AMDHD2: variants seen among roughly 807,000 people sequenced by gnomAD.
AMDHD2 encodes the protein N-acetylglucosamine-6-phosphate deacetylase.
AMDHD2 carries 24 observed loss-of-function variants against 41.8 expected under a neutral mutation model. The ratio of observed to expected loss-of-function variants is 0.57; its 90% CI spans 0.42 to 0.81. The LOEUF is 0.81. AMDHD2 is among the 30% of genes least tolerant of loss of function. The pLI is 0.00. For missense variants in AMDHD2, 540 were observed against 588.5 expected (o/e 0.92, Z 0.85); for synonymous variants, 332 against 255.5 (o/e 1.30, Z -2.85).
chr16:2,529,082 T>A lies in AMDHD2; in HGVS notation c.1128T>A (p.Phe376Leu). The A allele has an allele frequency of 6.3e-7, 1 of 1,587,566 alleles. No individual in the cohort carries two copies. Among genetic ancestry groups the A allele is most frequent in the Non-Finnish European group, 8.6e-7 (1 of 1,167,868 alleles). ...GLEKSKGTLD[F>L]GADADFVVLD... ...AGAAGAGTAAGGGGACCCTGGACTT[T>A]GGTGCTGACGCAGGTGAGGGCCTGT... Residue 376 changes from phenylalanine to leucine, a missense_variant, in exon 10 of 11, where the codon TTT becomes TTA. Physicochemically the swap from Phe to Leu is conservative, Grantham distance 22. Coordinates refer to ENST00000293971, the MANE Select transcript of AMDHD2 (RefSeq NM_001330449.2).
At position 2,521,046 on chromosome 16, in the gene AMDHD2, G is replaced by A; in HGVS notation, c.283G>A (p.Ala95Thr). Residue 95 changes from alanine (A) to threonine (T), a missense_variant, in exon 3 of 11, where the codon GCC becomes ACC. Physicochemically the swap from Ala to Thr is moderately conservative, Grantham distance 58. Transcript: ENST00000293971. ...EDVGSGVALVARRILSHGVTS... is the reference protein window; with the variant it reads ...EDVGSGVALVTRRILSHGVTS... ...CGTGGGTTCGGGGGTTGCCCTCGTGGCCCGGAGGATCCTGTCGCACGGCGT... is the reference window on the plus strand; with the variant it reads ...CGTGGGTTCGGGGGTTGCCCTCGTGACCCGGAGGATCCTGTCGCACGGCGT... The A allele has an allele frequency of 6.2e-7, 1 of 1,611,282 alleles. No individual in the cohort carries two copies. The highest frequency in any genetic ancestry group is 8.5e-7 in the Non-Finnish European group (1 of 1,178,474).
chr16:2,521,438 T>TA (rs2065936012), intron 3 of AMDHD2, among the ~76,000 whole-genome samples: 1 of 151,950 alleles, frequency 6.6e-6, no homozygotes, highest in Non-Finnish European at 1.5e-5. Flanking sequence ...ACCATCCCCT[T>TA]AACCAAGGCC....
At chr16:2,521,524 C>T (rs932478920) in intron 3 of AMDHD2, among the ~76,000 whole-genome samples, 1 of 152,318 alleles carries the variant, frequency 6.6e-6, no homozygotes, top group African/African-American at 2.4e-5. Context: ...ATGTGTGACT[C>T]AGTGGAACAC....
chr16:2,520,960 A>G, intron 2 of AMDHD2, 24 bp from the exon 3 acceptor site: 1 of 1,596,696 alleles, frequency 6.3e-7, no homozygotes, highest in Non-Finnish European at 8.6e-7. Context: ...GCTCCATGCG[A>G]CACTTCCTTT....
In AMDHD2 at chr16:2,529,658, C is replaced by T; in HGVS notation, c.*95C>T. On this transcript the variant is annotated 3_prime_UTR_variant, in exon 11 of 11. Transcript: ENST00000293971. ...GTCTCCAGGGAGTGAGTCGGGAGCC[C>T]TGCTGGATTGATGCCCAGGGCCTGT... The T allele has an allele frequency of 1.9e-6, 3 of 1,568,876 alleles. No individual in the cohort carries two copies. The highest frequency in any genetic ancestry group is 2.6e-6 in the Non-Finnish European group (3 of 1,163,014).
At position 2,531,069 on chromosome 16, in the gene AMDHD2, C is replaced by T; in HGVS notation, c.*1506C>T. The T allele has an allele frequency of 3.2e-6, 5 of 1,587,004 alleles. No homozygotes were observed. Among genetic ancestry groups the T allele is most frequent in the South Asian group, 2.3e-5 (2 of 88,322 alleles). ...TTGCTGGCTGTCAGTGCTTGATGTG[C>T]CCATCCTCAGCTAAAACCCAGAGCT... On this transcript the variant is annotated 3_prime_UTR_variant, in exon 11 of 11. Transcript: ENST00000293971.
chr16:2,528,953 G>A (rs2066046725), intron 9 of AMDHD2, 41 bp from the exon 10 acceptor site: 1 of 1,547,146 alleles, frequency 6.5e-7, no homozygotes, highest in Non-Finnish European at 8.7e-7. Context: ...GCAAAGCCAT[G>A]TGGGCTTGGG....
In AMDHD2 at chr16:2,528,967, T is replaced by A. The variant is rs557972259; in HGVS notation, c.1040-27T>A. On this transcript the variant is annotated intron_variant, in intron 9 of 10. Coordinates refer to ENST00000293971, the MANE Select transcript of AMDHD2 (RefSeq NM_001330449.2). Reference sequence around the variant, plus strand: ...GGCAAAGCCATGTGGGCTTGGGGACTGTCACCTAGCTGTGTCCCCCAAGCA... The same window carrying A: ...GGCAAAGCCATGTGGGCTTGGGGACAGTCACCTAGCTGTGTCCCCCAAGCA... The A allele has an allele frequency of 1.9e-6, 3 of 1,556,572 alleles. No individual in the cohort carries two copies. The Admixed American group carries it at 5.9e-5, about 30-fold the overall frequency.
chr16:2,528,361 C>T lies in AMDHD2; in HGVS notation c.843C>T (p.Ala281=), dbSNP rs2066034858. 1 of 1,612,908 alleles carries T rather than the reference C, an allele frequency of 6.2e-7. No individual in the cohort carries two copies. The highest frequency in any genetic ancestry group is 8.5e-7 in the Non-Finnish European group (1 of 1,179,944). Residue 281 remains alanine, a synonymous_variant, in exon 7 of 11, where the codon GCC becomes GCT. Coordinates refer to ENST00000293971, the MANE Select transcript of AMDHD2 (RefSeq NM_001330449.2). The part of the protein sequence containing the change: ...THTNPAALRI[A]HRAHPQGLVL... ...CCAACCCCGCCGCCCTGCGGATCGC[C>T]CACCGTGCCCATCCCCAGGGTAAGC...
intron 8 of AMDHD2, 33 bp from the exon 9 acceptor site, chr16:2,528,617 A>AC (rs763884300): frequency 3.7e-5 from 60 of 1,612,480 alleles, no homozygotes; most frequent in East Asian, 6.7e-5. Flanking sequence ...GTGGCCCACG[A>AC]CCCCCCCAGA....
At chr16:2,521,180 C>G (rs2065931584) in intron 3 of AMDHD2, 57 bp downstream of exon 3, 3 of 1,493,582 alleles carry the variant, frequency 2.0e-6, no homozygotes, top group South Asian at 2.7e-5. Context: ...CCAGCGCCCT[C>G]ATTTTCAAAC....
rs1335694636 is a variant in AMDHD2, at chr16:2,529,476, C to T, written c.1143C>T (p.Asp381=). The change falls in exon 11 of 11, where the codon GAC becomes GAT. Residue 381 remains aspartate (D), a splice_region_variant and synonymous_variant. Coordinates refer to ENST00000293971, the MANE Select transcript of AMDHD2 (RefSeq NM_001330449.2). ...KGTLDFGADA[D]FVVLDDSLHV... ...ACTCATTGCCCGGCTCTGTCCCAGACTTCGTGGTGCTCGACGACTCCCTTC... is the reference window on the plus strand; with the variant it reads ...ACTCATTGCCCGGCTCTGTCCCAGATTTCGTGGTGCTCGACGACTCCCTTC... The T allele has an allele frequency of 6.2e-7, 1 of 1,610,454 alleles. No individual in the cohort carries two copies. The highest frequency in any genetic ancestry group is 8.5e-7 in the Non-Finnish European group (1 of 1,179,974).
chr16:2,520,914 C>A lies in AMDHD2; in HGVS notation c.220+9C>A, dbSNP rs376912559. 41 of 1,599,792 alleles carry A rather than the reference C, an allele frequency of 2.6e-5. No individual in the cohort carries two copies. Among genetic ancestry groups the A allele is most frequent in the Non-Finnish European group, 3.2e-5 (38 of 1,170,768 alleles). Reference sequence around the variant, plus strand: ...CGACGTGCAGATCAACGGTGCGGCCCGGGGCCGGCAGGGGAACCCAGGGGA... The same window carrying A: ...CGACGTGCAGATCAACGGTGCGGCCAGGGGCCGGCAGGGGAACCCAGGGGA... On this transcript the variant is annotated intron_variant, in intron 2 of 10. Coordinates refer to ENST00000293971, the MANE Select transcript of AMDHD2 (RefSeq NM_001330449.2).
chr16:2,529,489 G>A lies in AMDHD2; in HGVS notation c.1156G>A (p.Asp386Asn), dbSNP rs778113644. The A allele has an allele frequency of 4.7e-5, 75 of 1,610,910 alleles. No homozygotes were observed. Among genetic ancestry groups the A allele is most frequent in the Non-Finnish European group, 5.8e-5 (69 of 1,179,976 alleles). The change falls in exon 11 of 11, where the codon GAC becomes AAC. Residue 386 changes from aspartate to asparagine, a missense_variant. By Grantham distance (23) the Asp-to-Asn change is conservative (BLOSUM62 1). Transcript: ENST00000293971. ...FGADADFVVL[D>N]DSLHVQATYI... ...CTCTGTCCCAGACTTCGTGGTGCTC[G>A]ACGACTCCCTTCACGTCCAGGCCAC...
Position 2,530,455 on chromosome 16 carries a change from T to A in AMDHD2, c.*892T>A. ...GGCGGGTGGGCTTCTGGAGCCCTCT[T>A]GGCTCTGAGGACAGCCACAGTGGGG... On this transcript the variant is annotated 3_prime_UTR_variant, in exon 11 of 11. Coordinates refer to ENST00000293971, the MANE Select transcript of AMDHD2 (RefSeq NM_001330449.2). The A allele has an allele frequency of 6.2e-7, 1 of 1,614,150 alleles. No homozygotes were observed. The highest frequency in any genetic ancestry group is 8.5e-7 in the Non-Finnish European group (1 of 1,180,008).
At chr16:2,528,422 C>T (rs748089282) in intron 7 of AMDHD2, 30 bp from the exon 8 acceptor site, 1 of 1,612,782 alleles carries the variant, frequency 6.2e-7, no homozygotes. Flanking sequence ...GATGACTGGG[C>T]TAGCAGGTTC....
In AMDHD2 at chr16:2,530,556, G is replaced by T. The variant is rs543906255; in HGVS notation, c.*993G>T. The T allele has an allele frequency of 6.2e-7, 1 of 1,614,190 alleles. No homozygotes were observed. The highest frequency in any genetic ancestry group is 1.3e-5 in the African/African-American group (1 of 75,056). The stretch of plus-strand genomic sequence containing the variant: ...TTTCTCTCCATTTGAGTTCTGGGGT[G>T]GGTGGCTCCCTTCCCCCTTGCTTAC... On this transcript the variant is annotated 3_prime_UTR_variant, in exon 11 of 11. Coordinates refer to ENST00000293971, the MANE Select transcript of AMDHD2 (RefSeq NM_001330449.2).
rs371868188 is a variant in AMDHD2, at chr16:2,521,090, C to G, written c.327C>G (p.Thr109=). Residue 109 remains threonine (T), a synonymous_variant, in exon 3 of 11, where the codon ACC becomes ACG. Coordinates refer to ENST00000293971, the MANE Select transcript of AMDHD2 (RefSeq NM_001330449.2). ...LSHGVTSFCP[T]LVTSPPEVYH... is the part of the protein sequence containing the mutation. ...ACGGCGTCACCTCCTTCTGCCCCACCCTGGTCACTTCCCCACCGGAGGTTT... is the reference window on the plus strand; with the variant it reads ...ACGGCGTCACCTCCTTCTGCCCCACGCTGGTCACTTCCCCACCGGAGGTTT... 6.2e-7 allele frequency: 1 copy of G among 1,603,920 alleles called. No individual in the cohort carries two copies. The highest frequency in any genetic ancestry group is 8.5e-7 in the Non-Finnish European group (1 of 1,173,260).
intron 1 of AMDHD2, 47 bp from the exon 2 acceptor site, chr16:2,520,722 G>T (rs1426848023): frequency 1.3e-6 from 2 of 1,486,204 alleles, no homozygotes; most frequent in African/African-American, 2.8e-5. Flanking sequence ...AGGGTGCGGG[G>T]CCGAGGTCAG....
Sources: allele counts gnomAD v4.1 joint callset (sites outside exome capture counted in the v4.1 genomes callset), GRCh38; gene constraint gnomAD v4.1.1; transcripts MANE v1.5; gene names NCBI Gene and HGNC (gene_info 2026-07-23, HGNC 2026-07-21).